Variants in ADCK1 observed in about 807,000 individuals in gnomAD.
The protein encoded by ADCK1 is aarF domain-containing protein kinase 1.
A neutral mutation model predicts 52.3 loss-of-function variants in ADCK1; 41 were observed. The ratio of observed to expected loss-of-function variants is 0.78; its 90% confidence interval spans 0.61 to 1.02. The LOEUF (loss-of-function observed/expected upper bound fraction) is 1.02, where lower values mean the gene tolerates loss of function less well. Among genes scored for constraint, ADCK1 ranks in the 50% least tolerant of loss-of-function variants. The probability of loss-of-function intolerance (pLI) is 0.00; values close to 1 mark genes in which losing one functional copy is unlikely to be tolerated. For synonymous variants in ADCK1, 250 were observed against 274.6 expected, an observed-to-expected ratio of 0.91 and a Z score of 0.89; for missense variants, 658 against 679.5, an observed-to-expected ratio of 0.97 and a Z score of 0.35.
chr14:77,807,653 G>C (rs1202789264), intron 1 of ADCK1, among the ~76,000 whole-genome samples: 1 of 151,856 alleles, frequency 6.6e-6, no homozygotes, highest in Admixed American at 6.6e-5. Context: ...GGGATTACAG[G>C]CATGTGCCAC....
intron 3 of ADCK1, among the ~76,000 whole-genome samples, chr14:77,833,977 C>T (rs1050650445): frequency 2.0e-5 from 3 of 152,174 alleles, no homozygotes; most frequent in African/African-American, 7.2e-5. Context: ...AAAAGGAATT[C>T]AGTGATCACC....
intron 4 of ADCK1, among the ~76,000 whole-genome samples, chr14:77,881,246 C>T (rs28505135): frequency 0.087 from 13,201 of 152,284 alleles, 654 homozygotes; most frequent in African/African-American, 0.099. Flanking sequence ...GTTTCCAAGA[C>T]GGCTCACTGT....
At chr14:77,914,618 G>A in intron 7 of ADCK1, 1 of 983,240 alleles carries the variant, frequency 1.0e-6, no homozygotes, top group Non-Finnish European at 1.2e-6. Flanking sequence ...TTCAAAGTTA[G>A]GGCCCCTGAG....
At chr14:77,863,081 G>A (rs1012485024) in intron 4 of ADCK1, among the ~76,000 whole-genome samples, 3 of 152,220 alleles carry the variant, frequency 2.0e-5, no homozygotes, top group East Asian at 1.9e-4. Context: ...ACAATGTGGC[G>A]TTCAGCCGGT....
At chr14:77,869,852 C>A in intron 4 of ADCK1, among the ~76,000 whole-genome samples, 1 of 152,186 alleles carries the variant, frequency 6.6e-6, no homozygotes, top group East Asian at 1.9e-4. Flanking sequence ...CACCTCTTCT[C>A]AGCTTCACAC....
At chr14:77,905,490 C>T (rs554622423) in intron 6 of ADCK1, among the ~76,000 whole-genome samples, 39 of 151,592 alleles carry the variant, frequency 2.6e-4, no homozygotes, top group African/African-American at 8.7e-4. Flanking sequence ...TGAGCCACTG[C>T]GCCCAGCCCC....
At chr14:77,827,476 G>A (rs1332352999) in intron 3 of ADCK1, among the ~76,000 whole-genome samples, 1 of 150,304 alleles carries the variant, frequency 6.7e-6, no homozygotes, top group East Asian at 1.9e-4. Context: ...TGCCCAAGGT[G>A]GTTTGAGTTA....
chr14:77,826,917 C>CGCA (rs1192499191), intron 3 of ADCK1, among the ~76,000 whole-genome samples: 10 of 152,204 alleles, frequency 6.6e-5, no homozygotes, highest in African/African-American at 2.4e-4. Context: ...CTGGCCAGTG[C>CGCA]GCAGGACTTT....
chr14:77,841,576 G>A (rs1486179242), intron 3 of ADCK1, among the ~76,000 whole-genome samples: 1 of 150,880 alleles, frequency 6.6e-6, no homozygotes, highest in Middle Eastern at 3.2e-3. Context: ...TGTAATCCCA[G>A]CACTTTGGTT....
chr14:77,899,617 G>A (rs1356074593), intron 6 of ADCK1, among the ~76,000 whole-genome samples: 1 of 152,208 alleles, frequency 6.6e-6, no homozygotes, highest in Non-Finnish European at 1.5e-5. Flanking sequence ...ACTGTACGCT[G>A]GGACTGTTTT....
chr14:77,860,090 C>G (rs1297476510), intron 4 of ADCK1, among the ~76,000 whole-genome samples: 1 of 152,180 alleles, frequency 6.6e-6, no homozygotes, highest in African/African-American at 2.4e-5. Context: ...GGTTTCCCGT[C>G]CAAACCCCAG....
chr14:77,899,135 G>A lies in ADCK1; in HGVS notation c.618G>A (p.Glu206=). ...LVLAVKQLFP[E]FEFMWLVDEA... is the part of the protein sequence containing the mutation. ...TGGCTGTGAAGCAGCTGTTCCCAGA[G>A]TTTGAGTTTATGTGGCTTGTGGATG... Residue 206 remains glutamate, a synonymous_variant, in exon 6 of 11, where the codon GAG becomes GAA. Coordinates refer to ENST00000238561, the MANE Select transcript of ADCK1 (RefSeq NM_020421.4). 6.2e-7 allele frequency: 1 copy of A among 1,614,156 alleles called. No homozygotes were observed.
intron 5 of ADCK1, among the ~76,000 whole-genome samples, chr14:77,888,906 C>T (rs192005141): frequency 1.1e-3 from 165 of 152,264 alleles, no homozygotes; most frequent in Middle Eastern, 3.4e-3. Context: ...GTGTCCCCAC[C>T]CAAATCTCAT....
At chr14:77,803,948 T>C (rs1420857128) in intron 1 of ADCK1, among the ~76,000 whole-genome samples, 1 of 152,222 alleles carries the variant, frequency 6.6e-6, no homozygotes, top group African/African-American at 2.4e-5. Context: ...CTGAGCCACC[T>C]GGGACAAATC....
At chr14:77,887,622 A>G (rs2083188487) in intron 5 of ADCK1, among the ~76,000 whole-genome samples, 1 of 152,210 alleles carries the variant, frequency 6.6e-6, no homozygotes, top group Admixed American at 6.5e-5. Flanking sequence ...TAATTTGTTA[A>G]ATTGTAACAA....
intron 3 of ADCK1, among the ~76,000 whole-genome samples, chr14:77,852,982 C>T (rs948618486): frequency 7.5e-6 from 1 of 132,900 alleles, no homozygotes; most frequent in Non-Finnish European, 1.6e-5. Flanking sequence ...ATCTCTGGCT[C>T]AGGCAACCCA....
At chr14:77,842,712 A>G (rs549607183) in intron 3 of ADCK1, among the ~76,000 whole-genome samples, 1 of 151,590 alleles carries the variant, frequency 6.6e-6, no homozygotes, top group Admixed American at 6.6e-5. Context: ...CACCACGCCC[A>G]GCTAATTTTT....
intron 3 of ADCK1, among the ~76,000 whole-genome samples, chr14:77,826,571 T>G (rs1029125250): frequency 1.3e-5 from 2 of 152,182 alleles, no homozygotes; most frequent in Non-Finnish European, 2.9e-5. Context: ...GTGTTCAAGA[T>G]GCTTATAAAC....
intron 7 of ADCK1, among the ~76,000 whole-genome samples, chr14:77,912,006 G>A (rs1395155154): frequency 6.6e-6 from 1 of 152,124 alleles, no homozygotes; most frequent in African/African-American, 2.4e-5. Flanking sequence ...GTCCCTCCCG[G>A]AGCTAATGCT....
Sources: allele counts gnomAD v4.1 joint callset (sites outside exome capture counted in the v4.1 genomes callset), GRCh38; gene constraint gnomAD v4.1.1; transcripts MANE v1.5; gene names NCBI Gene and HGNC (gene_info 2026-07-23, HGNC 2026-07-21).